Variants in PLB1 observed in about 807,000 individuals in gnomAD.
PLB1 encodes the protein phospholipase B1.
A neutral mutation model predicts 227.4 loss-of-function variants in PLB1; 242 were observed. The ratio of observed to expected loss-of-function variants is 1.06; its 90% CI spans 0.96 to 1.18. The LOEUF (loss-of-function observed/expected upper bound fraction) is 1.18. PLB1 is among the 50% of genes most tolerant of loss of function. The probability of loss-of-function intolerance (pLI) is 0.00; values close to 1 mark genes in which losing one functional copy is unlikely to be tolerated. For missense variants in PLB1, 1,858 were observed against 1,816.3 expected (o/e 1.02, Z -0.42); for synonymous variants, 757 against 682.2 (o/e 1.11, Z -1.71).
chr2:28,532,018 T>C, intron 8 of PLB1, 90 bp from the exon 9 acceptor site: 1 of 1,001,684 alleles, frequency 1.0e-6, no homozygotes, highest in South Asian at 1.5e-5. Flanking sequence ...GGGATGGGTG[T>C]ATGAAATGGA....
Position 28,630,582 on chromosome 2 carries a change from A to G in PLB1, c.3819-4A>G, listed in dbSNP as rs1688476583. 1 of 1,613,112 alleles carries G rather than the reference A, an allele frequency of 6.2e-7. No homozygotes were observed. The highest frequency in any genetic ancestry group is 8.5e-7 in the Non-Finnish European group (1 of 1,179,336). Reference sequence around the variant, plus strand: ...GCCTCAATACAACACTCCCTGTCTCACAGGAACAACTGCACTTGCCTCAGA... The same window carrying G: ...GCCTCAATACAACACTCCCTGTCTCGCAGGAACAACTGCACTTGCCTCAGA... On this transcript the variant is annotated splice_polypyrimidine_tract_variant and splice_region_variant and intron_variant, in intron 53 of 57. Coordinates refer to ENST00000327757, the MANE Select transcript of PLB1 (RefSeq NM_153021.5).
chr2:28,561,315 A>G (rs2148236285), intron 17 of PLB1, among the ~76,000 whole-genome samples: 1 of 24,396 alleles, frequency 4.1e-5, no homozygotes, highest in East Asian at 0.016. Flanking sequence ...GGAATGCTCA[A>G]ACTCAAAAGA....
intron 12 of PLB1, 47 bp from the exon 13 acceptor site, chr2:28,541,660 G>A: frequency 2.0e-6 from 3 of 1,487,828 alleles, no homozygotes; most frequent in Middle Eastern, 3.4e-4. Context: ...GGCCGGCTCT[G>A]CCTCGCTCAT....
intron 25 of PLB1, 150 bp from the exon 26 acceptor site, chr2:28,585,611 G>C (rs973215157): frequency 1.5e-6 from 1 of 665,698 alleles, no homozygotes; most frequent in Non-Finnish European, 2.7e-6. Context: ...GGTATGGTCA[G>C]CAGGTCAGCC....
At chr2:28,602,725 A>G in intron 38 of PLB1, 96 bp from the exon 39 acceptor site, 2 of 1,091,990 alleles carry the variant, frequency 1.8e-6, no homozygotes, top group Non-Finnish European at 2.8e-6. Flanking sequence ...AGAAAGACCA[A>G]GCTGGATTGC....
rs1668530765 is a variant in PLB1, at chr2:28,513,743, T to C, written c.56-3065T>C. 3.3e-5 allele frequency among the ~76,000 whole-genome samples: 5 copies of C among 152,204 alleles called. No homozygotes were observed. In the South Asian group the frequency reaches 1.0e-3, roughly 32 times the overall value. ...AGTGCAGCAGAAAAAATAAAAGACCTAGAAGATTCCATTACAGTTTTAGGA... is the reference window on the plus strand; with the variant it reads ...AGTGCAGCAGAAAAAATAAAAGACCCAGAAGATTCCATTACAGTTTTAGGA... On this transcript the variant is annotated intron_variant, in intron 1 of 57. Coordinates refer to ENST00000327757, the MANE Select transcript of PLB1 (RefSeq NM_153021.5).
Position 28,602,049 on chromosome 2 carries a change from C to G in PLB1, c.2673+85C>G. 3.1e-6 allele frequency: 4 copies of G among 1,298,372 alleles called. No homozygotes were observed. In the South Asian group the frequency reaches 4.7e-5, roughly 15 times the overall value. The allele number at this position is 1,298,372 out of a possible 1,614,324, so 80.4% of individuals were successfully genotyped here. A position where few individuals can be genotyped will look rare whatever the true frequency, so the allele number is the denominator to read the frequency against. On this transcript the variant is annotated intron_variant, in intron 38 of 57. Transcript: ENST00000327757. ...TGGGGGGAAAGAATGAGAGAAGAAC[C>G]CCTTTCTCTCAAGGAGACAGCCAGG...
At chr2:28,573,416 A>G in intron 21 of PLB1, 111 bp downstream of exon 21, 2 of 793,826 alleles carry the variant, frequency 2.5e-6, no homozygotes, top group Non-Finnish European at 2.2e-6. Context: ...GTCAGAGGAA[A>G]GGGTTTCGGG....
intron 56 of PLB1, among the ~76,000 whole-genome samples, chr2:28,639,617 A>G (rs767015625): frequency 6.6e-6 from 1 of 152,172 alleles, no homozygotes; most frequent in Non-Finnish European, 1.5e-5. Flanking sequence ...GTAGAAAGGG[A>G]GAAACTGATG....
intron 26 of PLB1, among the ~76,000 whole-genome samples, chr2:28,587,291 A>T (rs1681059853): frequency 6.6e-6 from 1 of 152,196 alleles, no homozygotes; most frequent in Non-Finnish European, 1.5e-5. Context: ...GGAATCATGG[A>T]ATCATGGACT....
In PLB1 at chr2:28,540,574, C is replaced by G. The variant is rs558080017; in HGVS notation, c.774+133C>G. 15 of 720,882 alleles carry G rather than the reference C, an allele frequency of 2.1e-5. No individual in the cohort carries two copies. In the East Asian group the frequency reaches 3.3e-4, roughly 16 times the overall value. 44.7% of individuals were successfully genotyped at this position (720,882 alleles called of 1,614,324 possible). A position where few individuals can be genotyped will look rare whatever the true frequency, so the allele number is the denominator to read the frequency against. ...TCTCCAGCTGAATTCAGGACTAAGT[C>G]AGGAGCAAAGAGAGCTACTCTTGCT... On this transcript the variant is annotated intron_variant, in intron 12 of 57. Coordinates refer to ENST00000327757, the MANE Select transcript of PLB1 (RefSeq NM_153021.5).
intron 29 of PLB1, 75 bp downstream of exon 29, chr2:28,590,151 C>A: frequency 1.5e-6 from 2 of 1,296,518 alleles, no homozygotes; most frequent in South Asian, 1.2e-5. Flanking sequence ...AGGCCCTCAC[C>A]CTCACCCCAG....
chr2:28,569,996 T>C (rs1277708729), intron 20 of PLB1, among the ~76,000 whole-genome samples: 2 of 137,546 alleles, frequency 1.5e-5, no homozygotes, highest in East Asian at 2.0e-4. Flanking sequence ...AAAAAGAAAA[T>C]CTGAATAGAT....
At chr2:28,533,791 A>T (rs1367301406) in intron 9 of PLB1, among the ~76,000 whole-genome samples, 1 of 152,202 alleles carries the variant, frequency 6.6e-6, no homozygotes, top group African/African-American at 2.4e-5. Context: ...AAACATTCCT[A>T]CATAAATTCT....
chr2:28,595,960 G>A (rs1682841516), intron 33 of PLB1: 1 of 152,148 alleles, frequency 6.6e-6, no homozygotes, highest in Admixed American at 6.6e-5. Context: ...TTAACAATGT[G>A]CTGGGCCCCA....
rs376409536 is a variant in PLB1 at position 28,618,416 on chromosome 2, G to A, written c.3315+17G>A. 3.1e-6 allele frequency: 5 copies of A among 1,612,926 alleles called. No homozygotes were observed. In the African/African-American group the frequency reaches 5.3e-5, roughly 17 times the overall value. On this transcript the variant is annotated intron_variant, in intron 46 of 57. Coordinates refer to ENST00000327757, the MANE Select transcript of PLB1 (RefSeq NM_153021.5). ...TCTCTGACTGTGAGTAGTGAGCCATGAACCAGGATGGGCAGCTCAGAGTCC... is the reference window on the plus strand; with the variant it reads ...TCTCTGACTGTGAGTAGTGAGCCATAAACCAGGATGGGCAGCTCAGAGTCC...
At position 28,633,759 on chromosome 2, in the gene PLB1, C is replaced by G. The variant is rs145457544; in HGVS notation, c.4098+720C>G. Among the ~76,000 whole-genome samples, 10 of 152,356 alleles carry G rather than the reference C, an allele frequency of 6.6e-5. No individual in the cohort carries two copies. In the East Asian group the frequency reaches 9.6e-4, roughly 15 times the overall value. On this transcript the variant is annotated intron_variant, in intron 56 of 57. Coordinates refer to ENST00000327757, the MANE Select transcript of PLB1 (RefSeq NM_153021.5). ...CCGCACAGCACTTGACCTGTCACCCCCAACAACTGGATCCTCTTGCACGGA... is the reference window on the plus strand; with the variant it reads ...CCGCACAGCACTTGACCTGTCACCCGCAACAACTGGATCCTCTTGCACGGA...
At chr2:28,596,040 A>C (rs961610711) in intron 33 of PLB1, 36 of 152,212 alleles carry the variant, frequency 2.4e-4, no homozygotes, top group Admixed American at 2.0e-4. Context: ...CAAAGGATCA[A>C]AATAAAATTT....
rs998607183 is a variant in PLB1, at chr2:28,516,844, C to T, written c.92C>T (p.Thr31Ile). Reference sequence around the variant, plus strand: ...ATCCATACCTCTCCTAGAAAGAGTACATTGGAAGGGCAGCTATGGCCAGAG... The same window carrying T: ...ATCCATACCTCTCCTAGAAAGAGTATATTGGAAGGGCAGCTATGGCCAGAG... The part of the protein sequence containing the change: ...PQIHTSPRKS[T>I]LEGQLWPETL... The change falls in exon 2 of 58, where the codon ACA (threonine) becomes ATA (isoleucine). Residue 31 changes from threonine to isoleucine, a missense_variant. Thr to Ile is a moderately conservative substitution (Grantham distance 89). Transcript: ENST00000327757. The T allele has an allele frequency of 6.2e-6, 10 of 1,613,730 alleles. No individual in the cohort carries two copies. The highest frequency in any genetic ancestry group is 1.7e-5 in the Admixed American group (1 of 59,996).
Sources: gnomAD v4.1 joint callset for allele counts (sites outside exome capture counted in the v4.1 genomes callset) on GRCh38, gnomAD v4.1.1 for gene constraint, MANE v1.5 for transcripts, NCBI Gene and HGNC (gene_info 2026-07-23, HGNC 2026-07-21) for gene names.